MCF2L2: variants seen among roughly 807,000 people sequenced by gnomAD.
MCF2L2 encodes probable guanine nucleotide exchange factor MCF2L2.
In MCF2L2, 102 loss-of-function variants were observed where a neutral mutation model predicts 150.2. The ratio of observed to expected loss-of-function variants is 0.68; its 90% CI spans 0.58 to 0.80. MCF2L2 has a LOEUF of 0.80. Ranked by LOEUF, MCF2L2 falls within the 30% of genes least tolerant of loss-of-function variation. The probability of loss-of-function intolerance (pLI) is 0.00; values close to 1 mark genes in which losing one functional copy is unlikely to be tolerated. For missense variants in MCF2L2, 1,256 were observed against 1,372.8 expected (o/e 0.91, Z 1.34); for synonymous variants, 465 against 491.3 (o/e 0.95, Z 0.71).
At chr3:183,325,716 G>C (rs1729997227) in intron 5 of MCF2L2, among the ~76,000 whole-genome samples, 1 of 152,168 alleles carries the variant, frequency 6.6e-6, no homozygotes. Context: ...TGGAGTTTCA[G>C]AAACCTATCC....
At position 183,305,878 on chromosome 3, in the gene MCF2L2, G is replaced by A. The variant is rs1560012180; in HGVS notation, c.1113+3838C>T. On this transcript the variant is annotated intron_variant, in intron 10 of 29. Coordinates refer to ENST00000328913, the MANE Select transcript of MCF2L2 (RefSeq NM_015078.4). The surrounding 1 kb of genome is among the most constrained non-coding windows in gnomAD (Gnocchi z 4.1). ...AAAAAGGGCAACTAAGGAGCAACCCGGATTCAGCCACCACATGGCTGGAAG... is the reference window on the plus strand; with the variant it reads ...AAAAAGGGCAACTAAGGAGCAACCCAGATTCAGCCACCACATGGCTGGAAG... 2.0e-5 allele frequency among the ~76,000 whole-genome samples: 3 copies of A among 152,128 alleles called. No homozygotes were observed. Among genetic ancestry groups the A allele is most frequent in the Admixed American group, 6.5e-5 (1 of 15,268 alleles).
chr3:183,402,862 C>CAA (rs141934165), intron 1 of MCF2L2, among the ~76,000 whole-genome samples: 5 of 148,198 alleles, frequency 3.4e-5, no homozygotes, highest in African/African-American at 1.2e-4. Flanking sequence ...ATATCATAGA[C>CAA]AAAAAATATA....
chr3:183,299,807 C>G, intron 11 of MCF2L2, 198 bp downstream of exon 11: 2 of 553,516 alleles, frequency 3.6e-6, no homozygotes, highest in East Asian at 6.9e-5. Flanking sequence ...GGTGGGATGG[C>G]CAGAGCACTT....
At chr3:183,274,060 C>T (rs184636589) in intron 15 of MCF2L2, among the ~76,000 whole-genome samples, 5 of 152,028 alleles carry the variant, frequency 3.3e-5, no homozygotes, top group African/African-American at 1.2e-4. Context: ...ACTAAAAATA[C>T]AAAAATCAGC....
intron 22 of MCF2L2, among the ~76,000 whole-genome samples, chr3:183,209,375 G>A (rs555753429): frequency 1.1e-4 from 16 of 152,278 alleles, no homozygotes; most frequent in Admixed American, 1.0e-3. Context: ...TCCAAAATCT[G>A]GAACTTTCTG....
At chr3:183,220,255 A>T (rs559460173) in intron 20 of MCF2L2, among the ~76,000 whole-genome samples, 1 of 152,136 alleles carries the variant, frequency 6.6e-6, no homozygotes, top group East Asian at 1.9e-4. Flanking sequence ...CATTTTTCTC[A>T]TTCAGCAATA....
chr3:183,296,874 C>T, intron 12 of MCF2L2, 102 bp downstream of exon 12: 1 of 1,312,930 alleles, frequency 7.6e-7, no homozygotes, highest in Non-Finnish European at 1.0e-6. Context: ...CTCAATTCAG[C>T]CTGCTCAGTA....
chr3:183,229,341 A>G (rs559684385), intron 17 of MCF2L2, among the ~76,000 whole-genome samples: 18 of 152,332 alleles, frequency 1.2e-4, no homozygotes, highest in Non-Finnish European at 1.9e-4. Context: ...TGTATTCCCA[A>G]TGCTGAGCAC....
At chr3:183,375,428 C>T (rs902530874) in intron 3 of MCF2L2, 2 of 152,022 alleles carry the variant, frequency 1.3e-5, no homozygotes, top group Admixed American at 6.6e-5. Flanking sequence ...TTTTTCCTGT[C>T]GAAGTGACTT....
Position 183,178,951 on chromosome 3 carries a change from T to C in MCF2L2, c.*429A>G, listed in dbSNP as rs924463487. ...ACCCCGCCCTGGAGAAATGCGGGCG[T>C]GTCTGCAGGCATTTTTGATTGTCAC... On this transcript the variant is annotated 3_prime_UTR_variant, in exon 30 of 30. Transcript: ENST00000328913. 7.7e-5 allele frequency: 12 copies of C among 156,140 alleles called. No individual in the cohort carries two copies. Among genetic ancestry groups the C allele is most frequent in the Admixed American group, 2.0e-4 (3 of 15,382 alleles). The allele number at this position is 156,140 out of a possible 1,614,324, so 9.7% of individuals were successfully genotyped here. A position where few individuals can be genotyped will look rare whatever the true frequency, so the allele number is the denominator to read the frequency against.
intron 25 of MCF2L2, among the ~76,000 whole-genome samples, chr3:183,198,041 CA>C (rs1462288710): frequency 2.6e-5 from 4 of 152,142 alleles, no homozygotes; most frequent in African/African-American, 9.7e-5. Context: ...AAAAATTAAA[CA>C]TACACCTACC....
rs755876938 is a variant in MCF2L2, at chr3:183,205,846, G to A, written c.2884+30C>T. 16 of 1,554,688 alleles carry A rather than the reference G, an allele frequency of 1.0e-5. No homozygotes were observed. In the Admixed American group the frequency reaches 1.7e-4, roughly 16 times the overall value. On this transcript the variant is annotated intron_variant, in intron 25 of 29. Transcript: ENST00000328913. ...CACTGAGCTGAAATCAGTATAACTC[G>A]ACAGACGAAAGTCAGCAGGGGTAAC... is the stretch of plus-strand genomic sequence containing the variant.
chr3:183,363,830 G>A (rs538616396), intron 3 of MCF2L2, among the ~76,000 whole-genome samples: 2 of 152,226 alleles, frequency 1.3e-5, no homozygotes, highest in South Asian at 4.1e-4. Flanking sequence ...AGACCTACAC[G>A]ACATAATCAA....
chr3:183,223,305 T>C, intron 20 of MCF2L2, 41 bp downstream of exon 20: 9 of 1,489,592 alleles, frequency 6.0e-6, no homozygotes, highest in Non-Finnish European at 8.4e-6. Flanking sequence ...TGCAGGCGTC[T>C]GGTTTCCCAC....
chr3:183,387,234 C>T (rs574335976), intron 2 of MCF2L2, among the ~76,000 whole-genome samples: 219 of 148,782 alleles, frequency 1.5e-3, no homozygotes, highest in African/African-American at 5.0e-3. Context: ...CACTGCACCC[C>T]AGCCTGGGCA....
At position 183,267,638 on chromosome 3, in the gene MCF2L2, C is replaced by A. The variant is rs1030608345; in HGVS notation, c.1862+9234G>T. 6.6e-6 allele frequency among the ~76,000 whole-genome samples: 1 copy of A among 152,232 alleles called. No homozygotes were observed. Among genetic ancestry groups the A allele is most frequent in the Admixed American group, 6.5e-5 (1 of 15,288 alleles). ...CTCTCCCCGTCAGTCCTGTCCAAAG[C>A]CCAGGAAACTAATGTACCACCCCCG... On this transcript the variant is annotated intron_variant, in intron 15 of 29. Coordinates refer to ENST00000328913, the MANE Select transcript of MCF2L2 (RefSeq NM_015078.4). This position sits in a 1 kb window ranked among gnomAD's most constrained non-coding sequence, Gnocchi z 5.5.
rs893807483 is a variant in MCF2L2, at chr3:183,305,772, C to T, written c.1113+3944G>A. Among the ~76,000 whole-genome samples, 1 of 152,144 alleles carries T rather than the reference C, an allele frequency of 6.6e-6. No individual in the cohort carries two copies. The highest frequency in any genetic ancestry group is 1.5e-5 in the Non-Finnish European group (1 of 68,012). Reference sequence around the variant, plus strand: ...GCTGAGACAGAAGAATCGCTTGAACCCAGGAGGCGGAGGTTGCAGTGAGCT... The same window carrying T: ...GCTGAGACAGAAGAATCGCTTGAACTCAGGAGGCGGAGGTTGCAGTGAGCT... On this transcript the variant is annotated intron_variant, in intron 10 of 29. Transcript: ENST00000328913. This position sits in a 1 kb window ranked among gnomAD's most constrained non-coding sequence, Gnocchi z 4.1.
chr3:183,301,388 A>G (rs144755441), intron 10 of MCF2L2, among the ~76,000 whole-genome samples: 2 of 152,258 alleles, frequency 1.3e-5, no homozygotes, highest in African/African-American at 4.8e-5. Context: ...GTGGAGAAAA[A>G]TTAGATGGTG....
chr3:183,390,610 A>G (rs572320867), intron 1 of MCF2L2, among the ~76,000 whole-genome samples: 1 of 152,310 alleles, frequency 6.6e-6, no homozygotes, highest in South Asian at 2.1e-4. Context: ...ATCTTCATTC[A>G]ATTATTTCCC....
Sources: gnomAD v4.1 joint callset for allele counts (sites outside exome capture counted in the v4.1 genomes callset) on GRCh38, gnomAD v4.1.1 for gene constraint, Gnocchi (gnomAD v3.1) non-coding constraint, MANE v1.5 for transcripts, NCBI Gene and HGNC (gene_info 2026-07-23, HGNC 2026-07-21) for gene names.